Variants in DOP1B observed in about 807,000 individuals in gnomAD.
DOP1B encodes the protein DOP1 leucine zipper like protein B, also known as protein DOP1B.
A neutral mutation model predicts 233.5 loss-of-function variants in DOP1B; 174 were observed. The observed-to-expected ratio is 0.75, with a 90% CI of 0.66 to 0.85. DOP1B has a LOEUF of 0.85. Among genes scored for constraint, DOP1B ranks in the 40% least tolerant of loss-of-function variants. The pLI is 0.00. For synonymous variants in DOP1B, 1,190 were observed against 1,185.6 expected (o/e 1.00, Z -0.08); for missense variants, 2,652 against 2,846.6 (o/e 0.93, Z 1.56).
chr21:36,289,958 G>A (rs962538942), intron 35 of DOP1B, among the ~76,000 whole-genome samples: 2 of 152,176 alleles, frequency 1.3e-5, no homozygotes, highest in African/African-American at 4.8e-5. Context: ...TGCATACAGA[G>A]CTATAATGGT....
At chr21:36,178,337 C>T (rs1049643755) in intron 2 of DOP1B, among the ~76,000 whole-genome samples, 7 of 151,636 alleles carry the variant, frequency 4.6e-5, no homozygotes, top group Admixed American at 3.3e-4. Flanking sequence ...CAAAAACAAA[C>T]GAACAAACAA....
At chr21:36,282,015 G>A (rs957349765) in intron 32 of DOP1B, among the ~76,000 whole-genome samples, 1 of 152,202 alleles carries the variant, frequency 6.6e-6, no homozygotes, top group African/African-American at 2.4e-5. Context: ...AGATGATTAA[G>A]TACTAGAGGG....
At position 36,245,613 on chromosome 21, in the gene DOP1B, A is replaced by C. The variant is rs773324057; in HGVS notation, c.3633A>C (p.Leu1211=). 5.0e-6 allele frequency: 8 copies of C among 1,613,338 alleles called. No individual in the cohort carries two copies. The highest frequency in any genetic ancestry group is 6.8e-6 in the Non-Finnish European group (8 of 1,179,912). ...ELQALTTSRL[L]KQQRERQEAV... ...AGGCCCTCACCACATCCAGGCTGCTAAAGCAGCAGCGGGAAAGGCAGGAGG... is the reference window on the plus strand; with the variant it reads ...AGGCCCTCACCACATCCAGGCTGCTCAAGCAGCAGCGGGAAAGGCAGGAGG... Residue 1211 remains leucine (L), a synonymous_variant, in exon 19 of 37, where the codon CTA becomes CTC. Coordinates refer to ENST00000691173, the MANE Select transcript of DOP1B (RefSeq NM_001320714.2). The surrounding 1 kb of genome is among the most constrained non-coding windows in gnomAD (Gnocchi z 5.5).
rs1032278208 is a variant in DOP1B, at chr21:36,287,888, A to G, written c.6161-126A>G. ...GTGCGAGCCACCAAGCCTGGCCTGT[A>G]ACACTCATTCCTTACACTGGGTTGT... On this transcript the variant is annotated intron_variant, in intron 32 of 36. Transcript: ENST00000691173. The G allele has an allele frequency of 3.5e-5, 44 of 1,243,306 alleles. No homozygotes were observed. In the South Asian group the frequency reaches 6.4e-4, roughly 18 times the overall value. The allele number at this position is 1,243,306 out of a possible 1,614,324, so 77.0% of individuals were successfully genotyped here.
Position 36,230,966 on chromosome 21 carries a change from G to A in DOP1B, c.2182G>A (p.Gly728Arg), listed in dbSNP as rs201566270. The A allele has an allele frequency of 2.6e-5, 42 of 1,614,150 alleles. No individual in the cohort carries two copies. The highest frequency in any genetic ancestry group is 1.7e-4 in the Admixed American group (10 of 60,008). Residue 728 changes from glycine to arginine, a missense_variant, in exon 14 of 37, where the codon GGA becomes AGA. By Grantham distance (125) the Gly-to-Arg change is moderately radical. Around this residue, in one of 3 missense-constraint regions of DOP1B, gnomAD observed 2,617 missense variants for 2,794.3 expected, o/e 0.94. Coordinates refer to ENST00000691173, the MANE Select transcript of DOP1B (RefSeq NM_001320714.2). The part of the protein sequence containing the change: ...SPSSPARKNG[G>R]EWDVEKVVID... ...CAGCAGCCCTGCCAGGAAAAACGGG[G>A]GAGAATGGGATGTTGAGAAGGTGGT...
Position 36,263,690 on chromosome 21 carries a change from T to C in DOP1B, c.5420+40T>C, listed in dbSNP as rs751509508. ...CATTGTCATTGTGTAATATTTTCTC[T>C]TGGCACATATTTTATTTCTGCAGCA... On this transcript the variant is annotated intron_variant, in intron 25 of 36. Transcript: ENST00000691173. The C allele has an allele frequency of 6.8e-6, 11 of 1,613,102 alleles. No homozygotes were observed. The Admixed American group carries it at 1.3e-4, about 20-fold the overall frequency.
intron 15 of DOP1B, among the ~76,000 whole-genome samples, chr21:36,234,331 A>G (rs1011302145): frequency 6.6e-6 from 1 of 152,142 alleles, no homozygotes; most frequent in African/African-American, 2.4e-5. Context: ...TATTTACACT[A>G]TATATAGGCA....
rs771465770 is a variant in DOP1B at position 36,278,057 on chromosome 21, A to G, written c.5795A>G (p.Tyr1932Cys). Residue 1932 changes from tyrosine to cysteine, a missense_variant, in exon 29 of 37, where the codon TAT becomes TGT. By Grantham distance (194) the Tyr-to-Cys change is radical. Transcript: ENST00000691173. The part of the protein sequence containing the change: ...AVPLISRLLY[Y>C]VFPYLRNHSA... ...CCGTTAATCTCCCGTCTGCTTTACT[A>G]TGTTTTTCCATACTTACGCAACCAC... 5.6e-6 allele frequency: 9 copies of G among 1,614,014 alleles called. No homozygotes were observed. The highest frequency in any genetic ancestry group is 1.6e-4 in the Middle Eastern group (1 of 6,084).
At position 36,169,766 on chromosome 21, in the gene DOP1B, C is replaced by T. The variant is rs2065954205; in HGVS notation, c.138+4895C>T. On this transcript the variant is annotated intron_variant, in intron 2 of 36. Coordinates refer to ENST00000691173, the MANE Select transcript of DOP1B (RefSeq NM_001320714.2). ...TCCAGCTGCTTCTTGCCATCCTCAT[C>T]CTGCCATTTCTTGCAGTACTTGGTA... The T allele has an allele frequency of 3.2e-6, 4 of 1,260,976 alleles. No homozygotes were observed. In the South Asian group the frequency reaches 3.6e-5, roughly 11 times the overall value. The allele number at this position is 1,260,976 out of a possible 1,614,324, so 78.1% of individuals were successfully genotyped here.
At chr21:36,220,998 A>T (rs527376640) in intron 10 of DOP1B, among the ~76,000 whole-genome samples, 1 of 151,938 alleles carries the variant, frequency 6.6e-6, no homozygotes, top group Non-Finnish European at 1.5e-5. Context: ...TTCTGTAGAG[A>T]CAAGGTCTTG....
In DOP1B at chr21:36,219,978, G is replaced by A. The variant is rs77563684; in HGVS notation, c.1250+486G>A. Reference sequence around the variant, plus strand: ...GGAGACCCAGGCAGGGCACCGGAGAGCACAGGCTCCATTCCCCCAGAGGCA... The same window carrying A: ...GGAGACCCAGGCAGGGCACCGGAGAACACAGGCTCCATTCCCCCAGAGGCA... On this transcript the variant is annotated intron_variant, in intron 10 of 36. Coordinates refer to ENST00000691173, the MANE Select transcript of DOP1B (RefSeq NM_001320714.2). Among the ~76,000 whole-genome samples the A allele has an allele frequency of 9.4e-3, 1,427 of 152,106 alleles. 24 individuals carry two copies. Among genetic ancestry groups the A allele is most frequent in the African/African-American group, 0.032 (1,310 of 41,494 alleles).
At chr21:36,274,545 C>T (rs1311922538) in intron 27 of DOP1B, among the ~76,000 whole-genome samples, 2 of 152,062 alleles carry the variant, frequency 1.3e-5, no homozygotes, top group Non-Finnish European at 2.9e-5. Flanking sequence ...GTGGGTGAAC[C>T]AAGAGAGCAT....
chr21:36,218,137 G>A (rs907382647), intron 9 of DOP1B, among the ~76,000 whole-genome samples: 10 of 152,174 alleles, frequency 6.6e-5, no homozygotes, highest in African/African-American at 2.4e-4. Flanking sequence ...TTGTGGCTGG[G>A]CTTTAGCCAT....
At chr21:36,210,805 C>G (rs1014238066) in intron 5 of DOP1B, among the ~76,000 whole-genome samples, 1 of 152,190 alleles carries the variant, frequency 6.6e-6, no homozygotes, top group Non-Finnish European at 1.5e-5. Context: ...GAGCAAGACC[C>G]TGTCTCAAAG....
rs1336813478 is a variant in DOP1B, at chr21:36,199,121, A to T, written c.190A>T (p.Ser64Cys). The change falls in exon 3 of 37, where the codon AGC becomes TGC. Residue 64 changes from serine to cysteine, a missense_variant. Physicochemically the swap from Ser to Cys is moderately radical, Grantham distance 112. This residue lies in a region of DOP1B where 2,617 missense variants were observed against 2,794.3 expected (regional missense o/e 0.94). Coordinates refer to ENST00000691173, the MANE Select transcript of DOP1B (RefSeq NM_001320714.2). ...CTTGTTGCCAAGACGGCTCCTCATC[A>T]GCAAAAGATTAGCTCAGTGTTTGCA... ...YSLLPRRLLI[S>C]KRLAQCLHPA... The T allele has an allele frequency of 1.9e-5, 31 of 1,614,048 alleles. No individual in the cohort carries two copies. Among genetic ancestry groups the T allele is most frequent in the Non-Finnish European group, 2.6e-5 (31 of 1,180,012 alleles).
intron 26 of DOP1B, among the ~76,000 whole-genome samples, chr21:36,268,376 C>G (rs903821370): frequency 6.6e-6 from 1 of 152,156 alleles, no homozygotes; most frequent in African/African-American, 2.4e-5. Flanking sequence ...CACAGGCAGT[C>G]AGACCTTATG....
chr21:36,218,351 C>T (rs907665820), intron 9 of DOP1B, among the ~76,000 whole-genome samples: 1 of 152,020 alleles, frequency 6.6e-6, no homozygotes, highest in Non-Finnish European at 1.5e-5. Context: ...GGCAAAACCC[C>T]ACCTCTACTA....
intron 28 of DOP1B, among the ~76,000 whole-genome samples, chr21:36,277,637 TTTTTCTTTTTC>T (rs1053564086): frequency 1.3e-5 from 2 of 151,522 alleles, no homozygotes; most frequent in Non-Finnish European, 2.9e-5. Context: ...CTTTCTTTTT[TTTTTCTTTTTC>T]TTTCTGTTTT....
intron 27 of DOP1B, among the ~76,000 whole-genome samples, chr21:36,275,897 T>A (rs1240057976): frequency 6.6e-6 from 1 of 151,186 alleles, no homozygotes; most frequent in Non-Finnish European, 1.5e-5. Flanking sequence ...GGGTGGGAGG[T>A]GAGGACCTGT....
Sources: allele counts gnomAD v4.1 joint callset (sites outside exome capture counted in the v4.1 genomes callset), GRCh38; gene constraint gnomAD v4.1.1; regional missense constraint gnomAD v4.1.1; non-coding constraint Gnocchi (gnomAD v3.1); transcripts MANE v1.5; gene names NCBI Gene and HGNC (gene_info 2026-07-23, HGNC 2026-07-21).